Variants in GATA3 observed in about 807,000 individuals in gnomAD.
The protein encoded by GATA3 is trans-acting T-cell-specific transcription factor GATA-3.
In GATA3, 6 loss-of-function variants were observed where a neutral mutation model predicts 36.0. That is an observed-to-expected ratio of 0.17 (90% CI 0.09 to 0.33). The LOEUF is 0.33. Ranked by LOEUF, GATA3 falls within the 10% of genes least tolerant of loss-of-function variation. The pLI, the probability that GATA3 is intolerant of heterozygous loss-of-function variation, is 1.00. For synonymous variants in GATA3, 326 were observed against 273.0 expected (o/e 1.19, Z -1.92); for missense variants, 514 against 610.1 (o/e 0.84, Z 1.66).
intron 1 of GATA3, among the ~76,000 whole-genome samples, chr10:8,047,751 A>G (rs1286465180): frequency 6.6e-6 from 1 of 152,126 alleles, no homozygotes; most frequent in Non-Finnish European, 1.5e-5. Context: ...GTTTTATATA[A>G]CAAATTGCTT....
intron 4 of GATA3, among the ~76,000 whole-genome samples, chr10:8,064,767 T>G (rs1832808431): frequency 6.6e-6 from 1 of 152,270 alleles, no homozygotes; most frequent in South Asian, 2.1e-4. Context: ...GCAATTCCTA[T>G]GGGAAACGTC....
chr10:8,065,564 G>T (rs938883113), intron 4 of GATA3, among the ~76,000 whole-genome samples: 5 of 152,030 alleles, frequency 3.3e-5, no homozygotes. Context: ...GCCAAAGAAG[G>T]AAAACTTTCT....
In GATA3 at chr10:8,055,119, C is replaced by G. The variant is rs1214382265; in HGVS notation, c.-369-168C>G. Reference sequence around the variant, plus strand: ...GTTGCTCAGCCAGCCCCGGCTCCCGCGAGCCGGGCTGCAGGGACGTCCCCG... The same window carrying G: ...GTTGCTCAGCCAGCCCCGGCTCCCGGGAGCCGGGCTGCAGGGACGTCCCCG... On this transcript the variant is annotated intron_variant, in intron 1 of 5. Coordinates refer to ENST00000379328, the MANE Select transcript of GATA3 (RefSeq NM_001002295.2). The surrounding 1 kb of genome is among the most constrained non-coding windows in gnomAD (Gnocchi z 5.4). Among the ~76,000 whole-genome samples the G allele has an allele frequency of 6.6e-6, 1 of 152,000 alleles. No homozygotes were observed. The highest frequency in any genetic ancestry group is 2.4e-5 in the African/African-American group (1 of 41,414).
In GATA3 at chr10:8,055,940, C is replaced by G; in HGVS notation, c.241+44C>G. 1 of 1,549,594 alleles carries G rather than the reference C, an allele frequency of 6.5e-7. No homozygotes were observed. Among genetic ancestry groups the G allele is most frequent in the Non-Finnish European group, 8.7e-7 (1 of 1,146,294 alleles). ...CCGGGGCTCCCGCCGGCCGCTTCAG[C>G]CGTCCCGGCTCGGGGAGGTCGGGAG... is the stretch of plus-strand genomic sequence containing the variant. On this transcript the variant is annotated intron_variant, in intron 2 of 5. Coordinates refer to ENST00000379328, the MANE Select transcript of GATA3 (RefSeq NM_001002295.2). This position sits in a 1 kb window ranked among gnomAD's most constrained non-coding sequence, Gnocchi z 5.4.
At chr10:8,048,738 C>G (rs1384529413), upstream of GATA3, among the ~76,000 whole-genome samples, 1 of 152,222 alleles carries the variant, frequency 6.6e-6, no homozygotes, top group African/African-American at 2.4e-5. Context: ...CAACCCGGGG[C>G]TCCCCCCAAC....
upstream of GATA3, chr10:8,051,019 C>T (rs1356351380): frequency 1.9e-6 from 1 of 518,652 alleles, no homozygotes; most frequent in African/African-American, 2.0e-5. Flanking sequence ...GCGAGCATCT[C>T]CGCGCCCTGG....
At chr10:8,050,800 C>T (rs1212592166), upstream of GATA3, 2 of 391,566 alleles carry the variant, frequency 5.1e-6, no homozygotes, top group African/African-American at 2.2e-5. Context: ...TAAGTAAACA[C>T]GCTCAAATGA....
chr10:8,066,124 C>T (rs1356180163), intron 4 of GATA3, among the ~76,000 whole-genome samples: 1 of 151,358 alleles, frequency 6.6e-6, no homozygotes, highest in Non-Finnish European at 1.5e-5. Context: ...GATTAAAAGT[C>T]TCAAGGCATG....
chr10:8,056,095 G>A (rs1482228097), intron 2 of GATA3, among the ~76,000 whole-genome samples, 199 bp downstream of exon 2: 1 of 152,198 alleles, frequency 6.6e-6, no homozygotes, highest in African/African-American at 2.4e-5. Context: ...TTTTGAAAGA[G>A]TCGCAGCAGG....
rs1832681845 is a variant in GATA3 at position 8,058,423 on chromosome 10, G to A, written c.360G>A (p.Thr120=). 6.2e-7 allele frequency: 1 copy of A among 1,612,846 alleles called. No individual in the cohort carries two copies. Among genetic ancestry groups the A allele is most frequent in the Non-Finnish European group, 8.5e-7 (1 of 1,179,936 alleles). ...SPWNLSPFSK[T]SIHHGSPGPL... ...GGAATCTCAGCCCCTTCTCCAAGAC[G>A]TCCATCCACCACGGCTCCCCGGGGC... is the stretch of plus-strand genomic sequence containing the variant. The change falls in exon 3 of 6, where the codon ACG becomes ACA. Residue 120 remains threonine (T), a synonymous_variant. Transcript: ENST00000379328.
At position 8,058,704 on chromosome 10, in the gene GATA3, C is replaced by T. The variant is rs2131490663; in HGVS notation, c.641C>T (p.Ser214Leu). 3 of 1,612,952 alleles carry T rather than the reference C, an allele frequency of 1.9e-6. No homozygotes were observed. Among genetic ancestry groups the T allele is most frequent in the Non-Finnish European group, 1.7e-6 (2 of 1,179,970 alleles). The change falls in exon 3 of 6, where the codon TCG (serine) becomes TTG (leucine). Residue 214 changes from serine to leucine, a missense_variant. Around this residue, in one of 3 missense-constraint regions of GATA3, gnomAD observed 381 missense variants for 354.3 expected, o/e 1.08. Transcript: ENST00000379328. ...ACCGCCCTGGGTGGAGCCTCCTCGT[C>T]GACCCACCACCCCATCACCACCTAC... ...SMTALGGASS[S>L]THHPITTYPP...
intron 4 of GATA3, among the ~76,000 whole-genome samples, chr10:8,064,923 A>G (rs958376495): frequency 1.5e-5 from 1 of 66,194 alleles, no homozygotes; most frequent in East Asian, 8.5e-4. Context: ...GGCTCTGTCA[A>G]GCATTTATAA....
In GATA3 at chr10:8,058,433, C is replaced by T. The variant is rs1250698786; in HGVS notation, c.370C>T (p.His124Tyr). ...LSPFSKTSIH[H>Y]GSPGPLSVYP... ...CCCCTTCTCCAAGACGTCCATCCAC[C>T]ACGGCTCCCCGGGGCCCCTCTCCGT... The change falls in exon 3 of 6, where the codon CAC (histidine) becomes TAC (tyrosine). Residue 124 changes from histidine to tyrosine, a missense_variant. Physicochemically the swap from His to Tyr is moderately conservative, Grantham distance 83. Coordinates refer to ENST00000379328, the MANE Select transcript of GATA3 (RefSeq NM_001002295.2). 2 of 1,612,918 alleles carry T rather than the reference C, an allele frequency of 1.2e-6. No homozygotes were observed. The highest frequency in any genetic ancestry group is 1.7e-5 in the Admixed American group (1 of 60,010).
At chr10:8,059,424 TG>T (rs1832711365) in intron 3 of GATA3, among the ~76,000 whole-genome samples, 1 of 152,220 alleles carries the variant, frequency 6.6e-6, no homozygotes, top group Non-Finnish European at 1.5e-5. Context: ...GGCTCTCAGC[TG>T]AACTGGGAGA....
At chr10:8,050,947 C>T (rs377084638), upstream of GATA3, 131 of 475,158 alleles carry the variant, frequency 2.8e-4, no homozygotes, top group African/African-American at 2.3e-3. Flanking sequence ...TCTCCCGGCA[C>T]CTCGGCCCCG....
intron 5 of GATA3, among the ~76,000 whole-genome samples, chr10:8,071,337 T>A (rs1477118463): frequency 6.6e-6 from 1 of 152,126 alleles, no homozygotes; most frequent in Non-Finnish European, 1.5e-5. Flanking sequence ...AATGCTCTCT[T>A]TTTTTAGAGT....
chr10:8,048,121 A>G (rs1398425389), intron 1 of GATA3, among the ~76,000 whole-genome samples: 1 of 152,160 alleles, frequency 6.6e-6, no homozygotes, highest in Non-Finnish European at 1.5e-5. Context: ...TCAAAACACA[A>G]TAGTCCCCAG....
intron 4 of GATA3, among the ~76,000 whole-genome samples, chr10:8,069,100 G>A (rs987216095): frequency 2.0e-5 from 3 of 152,202 alleles, no homozygotes; most frequent in Non-Finnish European, 4.4e-5. Flanking sequence ...TGAAAGCCCA[G>A]TTCCAAAATG....
intron 1 of GATA3, among the ~76,000 whole-genome samples, chr10:8,046,648 A>AGTGTGTGT (rs55947422): frequency 0.02 from 2,696 of 137,808 alleles, 39 homozygotes; most frequent in Non-Finnish European, 0.03. Context: ...AATGGCTGGC[A>AGTGTGTGT]GTGTGTGTGT....
Sources: allele counts gnomAD v4.1 joint callset (sites outside exome capture counted in the v4.1 genomes callset), GRCh38; gene constraint gnomAD v4.1.1; regional missense constraint gnomAD v4.1.1; non-coding constraint Gnocchi (gnomAD v3.1); transcripts MANE v1.5; gene names NCBI Gene and HGNC (gene_info 2026-07-23, HGNC 2026-07-21).